NALF1: variants seen among roughly 807,000 people sequenced by gnomAD.
The protein encoded by NALF1 is NALCN channel auxiliary factor 1, also known as family with sequence similarity 155 member A.
Under a neutral mutation model 48.4 loss-of-function variants are expected in NALF1, and 3 were observed. The observed-to-expected ratio is 0.06, with a 90% CI of 0.03 to 0.16. NALF1 has a LOEUF of 0.16. NALF1 is among the 10% of genes least tolerant of loss of function. NALF1 has a pLI of 1.00. For synonymous variants in NALF1, 262 were observed against 245.7 expected (o/e 1.07, Z -0.62); for missense variants, 526 against 571.5 (o/e 0.92, Z 0.81).
intron 1 of NALF1, among the ~76,000 whole-genome samples, chr13:107,313,857 T>A (rs929890825): frequency 2.6e-5 from 4 of 152,092 alleles, no homozygotes; most frequent in African/African-American, 9.7e-5. Flanking sequence ...ACCGAACCAA[T>A]GTACATCTTA....
At chr13:107,859,405 G>A (rs1444378318) in intron 1 of NALF1, among the ~76,000 whole-genome samples, 1 of 152,066 alleles carries the variant, frequency 6.6e-6, no homozygotes, top group Non-Finnish European at 1.5e-5. Flanking sequence ...TATAAATTTT[G>A]TTTGTAAATG....
chr13:107,826,885 G>A (rs1879536874), intron 1 of NALF1, among the ~76,000 whole-genome samples: 1 of 152,228 alleles, frequency 6.6e-6, no homozygotes, highest in Admixed American at 6.5e-5. Flanking sequence ...AAAAGATATG[G>A]AGTGAATTGT....
At chr13:107,734,263 T>C (rs1425271794) in intron 1 of NALF1, among the ~76,000 whole-genome samples, 1 of 152,094 alleles carries the variant, frequency 6.6e-6, no homozygotes, top group Non-Finnish European at 1.5e-5. Context: ...ACCACATCAC[T>C]TAATTATGCA....
intron 1 of NALF1, among the ~76,000 whole-genome samples, chr13:107,456,093 G>T (rs951643290): frequency 2.0e-5 from 3 of 152,138 alleles, no homozygotes; most frequent in African/African-American, 7.2e-5. Flanking sequence ...CTTTTTGACT[G>T]AAGCCTTATT....
intron 1 of NALF1, among the ~76,000 whole-genome samples, chr13:107,721,142 ACACACACG>A (rs1254611165): frequency 4.1e-3 from 602 of 148,600 alleles, no homozygotes; most frequent in Middle Eastern, 0.014. Flanking sequence ...ACACACACAC[ACACACACG>A]TAATGAAATA....
chr13:107,862,205 T>A (rs1343910373), intron 1 of NALF1, among the ~76,000 whole-genome samples: 2 of 152,192 alleles, frequency 1.3e-5, no homozygotes, highest in Admixed American at 6.5e-5. Flanking sequence ...TAGAAGTTTG[T>A]CTGTAAAATA....
chr13:107,814,419 G>A (rs1448687231), intron 1 of NALF1, among the ~76,000 whole-genome samples: 1 of 152,162 alleles, frequency 6.6e-6, no homozygotes, highest in Non-Finnish European at 1.5e-5. Context: ...AACTTTTAAT[G>A]CAGTATCTGC....
In NALF1 at chr13:107,167,473, A is replaced by C. The variant is rs1449435302; in HGVS notation, c.*3024T>G. ...TGGATCCTCTGCCTGACCCCAGAAG[A>C]AGCTGCTTTGCTTCAACATGTCCAG... On this transcript the variant is annotated 3_prime_UTR_variant, in exon 3 of 3. Transcript: ENST00000375915. The C allele has an allele frequency of 6.6e-6, 1 of 152,232 alleles. No homozygotes were observed. The highest frequency in any genetic ancestry group is 1.5e-5 in the Non-Finnish European group (1 of 68,050). The allele number at this position is 152,232 out of a possible 1,614,324, so 9.4% of individuals were successfully genotyped here.
At chr13:107,659,904 T>G (rs1401607170) in intron 1 of NALF1, among the ~76,000 whole-genome samples, 1 of 151,802 alleles carries the variant, frequency 6.6e-6, no homozygotes, top group Non-Finnish European at 1.5e-5. Context: ...GCTAATTTTT[T>G]GTATTTTTAG....
chr13:107,234,149 T>G (rs1880288110), intron 1 of NALF1, among the ~76,000 whole-genome samples: 1 of 152,004 alleles, frequency 6.6e-6, no homozygotes, highest in Admixed American at 6.5e-5. Context: ...TAAATAGAGG[T>G]TTCTGTATGC....
intron 1 of NALF1, among the ~76,000 whole-genome samples, chr13:107,276,806 A>T (rs1349012258): frequency 2.6e-5 from 4 of 152,198 alleles, no homozygotes; most frequent in Non-Finnish European, 5.9e-5. Flanking sequence ...ATTTATATTT[A>T]AAATTTAAAA....
At chr13:107,354,760 G>T (rs905402166) in intron 1 of NALF1, among the ~76,000 whole-genome samples, 2 of 152,078 alleles carry the variant, frequency 1.3e-5, no homozygotes, top group Non-Finnish European at 2.9e-5. Context: ...TAAGGCCTTT[G>T]GTTCCTCAGT....
chr13:107,548,227 G>T (rs1877186404), intron 1 of NALF1, among the ~76,000 whole-genome samples: 1 of 152,024 alleles, frequency 6.6e-6, no homozygotes, highest in Non-Finnish European at 1.5e-5. Context: ...GTGGTATTTG[G>T]TTTTTTCTTC....
At chr13:107,632,630 C>T (rs2138449827) in intron 1 of NALF1, among the ~76,000 whole-genome samples, 1 of 152,258 alleles carries the variant, frequency 6.6e-6, no homozygotes, top group South Asian at 2.1e-4. Context: ...CTTGCTCCTA[C>T]TCCCTCAACA....
intron 1 of NALF1, among the ~76,000 whole-genome samples, chr13:107,722,972 A>G (rs1876032026): frequency 6.6e-6 from 1 of 152,258 alleles, no homozygotes; most frequent in South Asian, 2.1e-4. Context: ...ATTCAGAATT[A>G]GAAAATGTAG....
intron 1 of NALF1, among the ~76,000 whole-genome samples, chr13:107,475,871 A>G (rs1390408061): frequency 6.6e-6 from 1 of 152,180 alleles, no homozygotes; most frequent in Admixed American, 6.6e-5. Flanking sequence ...TAAAGTCTTC[A>G]TCCAGTGCTG....
chr13:107,626,480 A>G (rs927717253), intron 1 of NALF1, among the ~76,000 whole-genome samples: 1 of 152,106 alleles, frequency 6.6e-6, no homozygotes, highest in African/African-American at 2.4e-5. Context: ...TGTTTTTTGG[A>G]GCACTATTCA....
chr13:107,556,699 T>C (rs1287726933), intron 1 of NALF1, among the ~76,000 whole-genome samples: 3 of 152,076 alleles, frequency 2.0e-5, no homozygotes, highest in Admixed American at 6.6e-5. Flanking sequence ...TTAGTCAGGC[T>C]GGTTGCGAAC....
intron 1 of NALF1, among the ~76,000 whole-genome samples, chr13:107,807,795 G>C (rs1878848168): frequency 6.6e-6 from 1 of 152,046 alleles, no homozygotes; most frequent in Admixed American, 6.6e-5. Flanking sequence ...ATTGTAAAAC[G>C]CAAATGTTTT....
Sources: allele counts gnomAD v4.1 joint callset (sites outside exome capture counted in the v4.1 genomes callset), GRCh38; gene constraint gnomAD v4.1.1; transcripts MANE v1.5; gene names NCBI Gene and HGNC (gene_info 2026-07-23, HGNC 2026-07-21).